POM121: variants seen among roughly 807,000 people sequenced by gnomAD.
POM121 encodes the protein nuclear envelope pore membrane protein POM 121.
POM121 carries 32 observed loss-of-function variants against 81.3 expected under a neutral mutation model. That is an observed-to-expected ratio of 0.39 (90% CI 0.30 to 0.53). The LOEUF is 0.53. POM121 is among the 20% of genes least tolerant of loss of function. The probability of loss-of-function intolerance (pLI) is 0.66; values close to 1 mark genes in which losing one functional copy is unlikely to be tolerated. For synonymous variants in POM121, 514 were observed against 694.2 expected, an observed-to-expected ratio of 0.74 and a Z score of 4.08; for missense variants, 1,138 against 1,614.6, an observed-to-expected ratio of 0.70 and a Z score of 5.06.
chr7:72,905,011 G>A (rs1469049852), intron 3 of POM121, among the ~76,000 whole-genome samples: 1 of 152,104 alleles, frequency 6.6e-6, no homozygotes, highest in East Asian at 1.9e-4. Context: ...TTGACCCCTG[G>A]GGATTACAAT....
At chr7:72,935,797 C>G (rs1177332282) in intron 5 of POM121, among the ~76,000 whole-genome samples, 6 of 151,904 alleles carry the variant, frequency 3.9e-5, no homozygotes, top group Admixed American at 1.3e-4. Context: ...ATATGCTATT[C>G]TAAATAGTGC....
intron 11 of POM121, 42 bp from the exon 12 acceptor site, chr7:72,945,544 G>A: frequency 6.2e-7 from 1 of 1,611,448 alleles, no homozygotes; most frequent in Non-Finnish European, 8.5e-7. Flanking sequence ...GCTTGCCTCT[G>A]CCCTCTGCTC....
chr7:72,947,914 T>A lies in POM121; in HGVS notation c.*1680T>A, dbSNP rs1797800496. 9.7e-7 allele frequency: 1 copy of A among 1,026,252 alleles called. No individual in the cohort carries two copies. The highest frequency in any genetic ancestry group is 1.7e-5 in the African/African-American group (1 of 58,386). The allele number at this position is 1,026,252 out of a possible 1,614,324, so 63.6% of individuals were successfully genotyped here. On this transcript the variant is annotated 3_prime_UTR_variant, in exon 13 of 13. Transcript: ENST00000434423. Reference sequence around the variant, plus strand: ...GCTCCTTCCCACCCCTCAGAACAGCTCTGATCCTCGTTAATACCTGGCTGC... The same window carrying A: ...GCTCCTTCCCACCCCTCAGAACAGCACTGATCCTCGTTAATACCTGGCTGC...
rs143787826 is a variant in POM121 at position 72,945,702 on chromosome 7, C to T, written c.3646C>T (p.Pro1216Ser). 21 of 1,609,248 alleles carry T rather than the reference C, an allele frequency of 1.3e-5. No individual in the cohort carries two copies. The highest frequency in any genetic ancestry group is 6.8e-5 in the Admixed American group (4 of 59,100). ...CGCCCAAGGCTTTGTTGGTGTTGCA[C>T]CTTTCGGTAAGCAGCAAGCCACCCT... Reference protein sequence around the residue: ...APAQGFVGVAPFGSAALSFSI... With the variant: ...APAQGFVGVASFGSAALSFSI... The change falls in exon 12 of 13, where the codon CCT becomes TCT. Residue 1216 changes from proline to serine, a missense_variant. Physicochemically the swap from Pro to Ser is moderately conservative, Grantham distance 74 (BLOSUM62 -1). Transcript: ENST00000434423.
chr7:72,926,711 G>C (rs1795483864), intron 2 of POM121, 91 bp from the exon 3 acceptor site: 4 of 1,536,438 alleles, frequency 2.6e-6, no homozygotes, highest in Non-Finnish European at 3.5e-6. Context: ...TTGGCCTGTT[G>C]GTTAGCTTCT....
At chr7:72,922,456 G>A (rs564555138), upstream of POM121, among the ~76,000 whole-genome samples, 11 of 152,116 alleles carry the variant, frequency 7.2e-5, no homozygotes, top group African/African-American at 2.7e-4. Flanking sequence ...GTGCGATCTC[G>A]GCTCACTGCA....
intron 1 of POM121, among the ~76,000 whole-genome samples, chr7:72,880,656 G>C (rs1211509175): frequency 6.6e-6 from 1 of 151,932 alleles, no homozygotes; most frequent in African/African-American, 2.4e-5. Flanking sequence ...TGCGGGGCTA[G>C]GGCAAGAGTA....
intron 4 of POM121, among the ~76,000 whole-genome samples, chr7:72,917,570 G>A (rs1794400068): frequency 6.6e-6 from 1 of 152,160 alleles, no homozygotes. Context: ...GTCTGTATTA[G>A]TTTGCTAGGG....
chr7:72,894,626 G>GGAGAGAGA (rs71071923), intron 3 of POM121, among the ~76,000 whole-genome samples: 3 of 23,336 alleles, frequency 1.3e-4, no homozygotes, highest in African/African-American at 3.2e-4. Flanking sequence ...GAGAGAGAGA[G>GGAGAGAGA]GAGAGAGAGA....
At chr7:72,898,195 G>C (rs538709678) in intron 3 of POM121, among the ~76,000 whole-genome samples, 4 of 152,262 alleles carry the variant, frequency 2.6e-5, no homozygotes, top group African/African-American at 9.6e-5. Flanking sequence ...GTGGGAGAGT[G>C]CGAAATTGGG....
In POM121 at chr7:72,928,889, T is replaced by C. The variant is rs114350330; in HGVS notation, c.1103+424T>C. On this transcript the variant is annotated intron_variant, in intron 4 of 12. Coordinates refer to ENST00000434423, the MANE Select transcript of POM121 (RefSeq NM_001387691.1). ...GACTTAGGATACCTTAGGTACCTCA[T>C]CTGAGTCAGCAGTGTGATGTGGCCG... Among the ~76,000 whole-genome samples the C allele has an allele frequency of 5.5e-3, 833 of 152,302 alleles. 8 individuals carry two copies. The highest frequency in any genetic ancestry group is 0.019 in the African/African-American group (806 of 41,562).
At chr7:72,919,304 T>G (rs1320918902) in intron 4 of POM121, among the ~76,000 whole-genome samples, 1 of 152,036 alleles carries the variant, frequency 6.6e-6, no homozygotes, top group Non-Finnish European at 1.5e-5. Context: ...CTCAATTATA[T>G]TTTAAAGAGA....
At chr7:72,894,697 G>A (rs1232042637) in intron 3 of POM121, among the ~76,000 whole-genome samples, 3 of 145,798 alleles carry the variant, frequency 2.1e-5, no homozygotes, top group South Asian at 2.2e-4. Flanking sequence ...CGTCCCTGTC[G>A]CCCAGGCTGG....
At chr7:72,937,950 T>G (rs1255902581) in intron 5 of POM121, among the ~76,000 whole-genome samples, 1 of 152,166 alleles carries the variant, frequency 6.6e-6, no homozygotes, top group Non-Finnish European at 1.5e-5. Context: ...AATAGAAAAT[T>G]TAATAGAAGC....
At chr7:72,930,936 T>C (rs1795955282) in intron 5 of POM121, among the ~76,000 whole-genome samples, 1 of 152,088 alleles carries the variant, frequency 6.6e-6, no homozygotes, top group African/African-American at 2.4e-5. Context: ...GTTGCAGTGA[T>C]TGAGGGTAAT....
intron 6 of POM121, 111 bp from the exon 7 acceptor site, chr7:72,939,224 AT>A: frequency 1.4e-6 from 2 of 1,420,930 alleles, no homozygotes; most frequent in Non-Finnish European, 1.9e-6. Flanking sequence ...GAGATCTTAA[AT>A]GATGGTTGTT....
At position 72,904,100 on chromosome 7, in the gene POM121, G is replaced by A. The variant is rs555453270; in HGVS notation, c.-215-9665G>A. ...ATTACAGGCATGAGCCACTGCACCC[G>A]GCCCAGTCTGTGTACAGCTTTGCCC... On this transcript the variant is annotated intron_variant, in intron 3 of 15. Coordinates refer to the POM121 transcript ENST00000395270. 4.8e-4 allele frequency among the ~76,000 whole-genome samples: 73 copies of A among 152,256 alleles called. 1 individual carries two copies. Among genetic ancestry groups the A allele is most frequent in the African/African-American group, 1.7e-3 (71 of 41,558 alleles).
intron 3 of POM121, chr7:72,913,672 C>T (rs2129576519): frequency 6.6e-6 from 1 of 152,594 alleles, no homozygotes; most frequent in South Asian, 2.1e-4. Flanking sequence ...TCTGTATTGT[C>T]ATCATACTGA....
intron 3 of POM121, among the ~76,000 whole-genome samples, chr7:72,903,005 T>A (rs547011638): frequency 1.3e-5 from 2 of 152,366 alleles, no homozygotes; most frequent in South Asian, 4.1e-4. Context: ...TTAAAGACAA[T>A]TTGTTTCTTT....
Sources: allele counts gnomAD v4.1 joint callset (sites outside exome capture counted in the v4.1 genomes callset), GRCh38; gene constraint gnomAD v4.1.1; transcripts MANE v1.5; gene names NCBI Gene and HGNC (gene_info 2026-07-23, HGNC 2026-07-21).